BICC1: variants seen among roughly 807,000 people sequenced by gnomAD.
BICC1 encodes BicC family RNA binding protein 1.
A neutral mutation model predicts 111.0 loss-of-function variants in BICC1; 43 were observed. That is an observed-to-expected ratio of 0.39 (90% CI 0.30 to 0.50). The LOEUF (loss-of-function observed/expected upper bound fraction) is 0.50. Ranked by LOEUF, BICC1 falls within the 20% of genes least tolerant of loss-of-function variation. BICC1 has a pLI of 0.88. For synonymous variants in BICC1, 467 were observed against 434.4 expected (o/e 1.07, Z -0.93); for missense variants, 1,091 against 1,203.2 (o/e 0.91, Z 1.38).
chr10:58,630,928 A>G (rs1015338482), intron 2 of BICC1, among the ~76,000 whole-genome samples: 2 of 152,178 alleles, frequency 1.3e-5, no homozygotes, highest in African/African-American at 4.8e-5. Context: ...ATTAGACCAT[A>G]CTATACCAGT....
At chr10:58,582,926 A>C (rs1844321943) in intron 1 of BICC1, among the ~76,000 whole-genome samples, 1 of 152,166 alleles carries the variant, frequency 6.6e-6, no homozygotes, top group Non-Finnish European at 1.5e-5. Context: ...TTCCATCTGC[A>C]ACCTTTATTC....
chr10:58,753,531 G>A (rs961086270), intron 3 of BICC1, among the ~76,000 whole-genome samples: 1 of 151,802 alleles, frequency 6.6e-6, no homozygotes, highest in Non-Finnish European at 1.5e-5. Flanking sequence ...ATGATGAGAG[G>A]GATCCAATTT....
At chr10:58,715,636 C>T in intron 3 of BICC1, 10 of 1,605,570 alleles carry the variant, frequency 6.2e-6, no homozygotes, top group Non-Finnish European at 8.5e-6. Context: ...TCTTCAGGGC[C>T]AACAATACAG....
intron 3 of BICC1, chr10:58,715,540 C>A: frequency 6.8e-7 from 1 of 1,461,496 alleles, no homozygotes; most frequent in Non-Finnish European, 9.6e-7. Flanking sequence ...CCACTGTGTG[C>A]TCAGTCCAGC....
At chr10:58,606,913 G>GCT (rs1845234148) in intron 1 of BICC1, among the ~76,000 whole-genome samples, 1 of 152,072 alleles carries the variant, frequency 6.6e-6, no homozygotes, top group Admixed American at 6.6e-5. Context: ...TTTTTAAAAA[G>GCT]CTATTTCCTC....
rs538646790 is a variant in BICC1, at chr10:58,763,524, T to C, written c.308-21477T>C. 2.0e-5 allele frequency among the ~76,000 whole-genome samples: 3 copies of C among 152,322 alleles called. No homozygotes were observed. The South Asian group carries it at 6.2e-4, about 32-fold the overall frequency. ...AGCATAGTGGTTCCTACTAATGGATTGTGCCTCACTGACCATTAGAATTAC... is the reference window on the plus strand; with the variant it reads ...AGCATAGTGGTTCCTACTAATGGATCGTGCCTCACTGACCATTAGAATTAC... On this transcript the variant is annotated intron_variant, in intron 3 of 20. Coordinates refer to ENST00000373886, the MANE Select transcript of BICC1 (RefSeq NM_001080512.3).
chr10:58,524,408 C>T (rs988010014), intron 1 of BICC1, among the ~76,000 whole-genome samples: 4 of 152,012 alleles, frequency 2.6e-5, no homozygotes, highest in African/African-American at 9.6e-5. Flanking sequence ...TATCTACAAC[C>T]ATCTGATCTT....
At chr10:58,818,221 GT>G (rs1419895856) in intron 19 of BICC1, among the ~76,000 whole-genome samples, 3 of 151,840 alleles carry the variant, frequency 2.0e-5, no homozygotes, top group African/African-American at 7.3e-5. Context: ...TTAACTTATT[GT>G]TTGGGTTTTA....
At chr10:58,521,198 T>G (rs893820857) in intron 1 of BICC1, among the ~76,000 whole-genome samples, 1 of 152,142 alleles carries the variant, frequency 6.6e-6, no homozygotes, top group African/African-American at 2.4e-5. Flanking sequence ...CTACTCAAAC[T>G]GCCCGGGATT....
chr10:58,748,226 G>A (rs1448937214), intron 3 of BICC1, among the ~76,000 whole-genome samples: 4 of 152,108 alleles, frequency 2.6e-5, no homozygotes, highest in Admixed American at 2.6e-4. Flanking sequence ...GCCAGGCAGT[G>A]TTCTAGGGAC....
At chr10:58,819,723 C>T (rs998427091) in intron 19 of BICC1, among the ~76,000 whole-genome samples, 1 of 152,154 alleles carries the variant, frequency 6.6e-6, no homozygotes, top group African/African-American at 2.4e-5. Flanking sequence ...CAGGATCGAA[C>T]CCAAGTCTCT....
chr10:58,796,975 T>C (rs1843376053), intron 10 of BICC1, among the ~76,000 whole-genome samples: 1 of 152,068 alleles, frequency 6.6e-6, no homozygotes, highest in South Asian at 2.1e-4. Flanking sequence ...GCATCTCCAG[T>C]GGTTAGGCCT....
At chr10:58,604,710 A>ATAT (rs1398136316) in intron 1 of BICC1, among the ~76,000 whole-genome samples, 2 of 152,182 alleles carry the variant, frequency 1.3e-5, no homozygotes, top group Non-Finnish European at 2.9e-5. Flanking sequence ...TCCTGAATGA[A>ATAT]TATTAGTTCA....
At chr10:58,742,272 T>G (rs575897989) in intron 3 of BICC1, among the ~76,000 whole-genome samples, 6 of 152,144 alleles carry the variant, frequency 3.9e-5, no homozygotes, top group Non-Finnish European at 8.8e-5. Context: ...GGAAAATATT[T>G]CTACTCATTT....
intron 3 of BICC1, among the ~76,000 whole-genome samples, chr10:58,755,638 G>A (rs888505795): frequency 2.6e-5 from 4 of 151,930 alleles, no homozygotes; most frequent in Non-Finnish European, 5.9e-5. Flanking sequence ...GGTTTGAAAG[G>A]GTGTTTTAAA....
chr10:58,769,220 T>C (rs1228774923), intron 3 of BICC1, among the ~76,000 whole-genome samples: 1 of 151,628 alleles, frequency 6.6e-6, no homozygotes, highest in Non-Finnish European at 1.5e-5. Context: ...GTGTACAGTG[T>C]GGTGACTATA....
chr10:58,764,482 G>T (rs550112194), intron 3 of BICC1, among the ~76,000 whole-genome samples: 2 of 152,236 alleles, frequency 1.3e-5, no homozygotes, highest in South Asian at 4.2e-4. Context: ...AAATAAATGT[G>T]TAAGGCAGTA....
intron 3 of BICC1, among the ~76,000 whole-genome samples, chr10:58,711,155 T>C (rs374697230): frequency 4.6e-5 from 7 of 152,178 alleles, no homozygotes; most frequent in African/African-American, 1.7e-4. Context: ...CAGAATATTT[T>C]GTACTTAAAA....
intron 3 of BICC1, among the ~76,000 whole-genome samples, chr10:58,761,357 A>G (rs1387551745): frequency 2.6e-5 from 4 of 152,196 alleles, no homozygotes; most frequent in Non-Finnish European, 5.9e-5. Context: ...AAGGTTTAAA[A>G]TCGATGTGAG....
Sources: allele counts gnomAD v4.1 joint callset (sites outside exome capture counted in the v4.1 genomes callset), GRCh38; gene constraint gnomAD v4.1.1; transcripts MANE v1.5; gene names NCBI Gene and HGNC (gene_info 2026-07-23, HGNC 2026-07-21).